MID1: variants seen among roughly 807,000 people sequenced by gnomAD.
MID1 encodes the protein midline 1.
A neutral mutation model predicts 40.4 loss-of-function variants in MID1; 7 were observed. The observed-to-expected ratio is 0.17, with a 90% CI of 0.10 to 0.33. MID1 has a LOEUF of 0.33. Among genes scored for constraint, MID1 ranks in the 10% least tolerant of loss-of-function variants. The pLI, the probability that MID1 is intolerant of heterozygous loss-of-function variation, is 1.00. For synonymous variants in MID1, 229 were observed against 221.2 expected (o/e 1.04, Z -0.31); for missense variants, 367 against 558.5 (o/e 0.66, Z 3.46).
At chrX:10,521,448 A>G (rs1487459094) in intron 3 of MID1, among the ~76,000 whole-genome samples, 3 of 111,658 alleles carry the variant, frequency 2.7e-5, no homozygotes, top group African/African-American at 9.8e-5. Context: ...AGGATACACA[A>G]GAAGCATTCT....
chrX:10,655,367 G>T (rs1205092813), intron 1 of MID1, among the ~76,000 whole-genome samples: 2 of 111,142 alleles, frequency 1.8e-5, no homozygotes, highest in East Asian at 5.7e-4. Context: ...TCTAAATTGG[G>T]CCTGACAGAA....
chrX:10,526,385 G>C (rs1932832763), intron 2 of MID1, among the ~76,000 whole-genome samples: 1 of 111,129 alleles, frequency 9.0e-6, no homozygotes, highest in African/African-American at 3.3e-5. Flanking sequence ...TATGGTCAGA[G>C]ACTAGAGGAT....
chrX:10,489,151 A>G (rs1287926318), intron 4 of MID1, among the ~76,000 whole-genome samples: 1 of 112,198 alleles, frequency 8.9e-6, no homozygotes, highest in Admixed American at 9.4e-5. Flanking sequence ...TTATTAAAAT[A>G]AATAATTTGT....
intron 1 of MID1, among the ~76,000 whole-genome samples, chrX:10,690,863 ACT>A (rs199816619): frequency 0.092 from 10,241 of 110,743 alleles, 758 homozygotes; most frequent in African/African-American, 0.25. Context: ...AATGGAAAGG[ACT>A]CTCTTTTATT....
chrX:10,533,308 CAAGAAAGAAAGAAAGAAAGGAAAGA>C (rs1569089452), intron 2 of MID1, among the ~76,000 whole-genome samples: 5 of 46,819 alleles, frequency 1.1e-4, no homozygotes, highest in Admixed American at 2.9e-4. Flanking sequence ...TTTAATAATC[CAAGAAAGAAAGAAAGAAAGGAAAGA>C]AAGAAAGAAA....
At chrX:10,502,699 C>T (rs758372941) in intron 3 of MID1, among the ~76,000 whole-genome samples, 1 of 111,944 alleles carries the variant, frequency 8.9e-6, no homozygotes, top group South Asian at 3.7e-4. Context: ...ACAAGTTTGC[C>T]TAGATTCGGC....
At chrX:10,607,160 A>G (rs1231192232) in intron 1 of MID1, among the ~76,000 whole-genome samples, 1 of 112,380 alleles carries the variant, frequency 8.9e-6, no homozygotes, top group Non-Finnish European at 1.9e-5. Context: ...TAGTTATCAG[A>G]AATGAACAGG....
At chrX:10,522,788 G>A (rs980548334) in intron 3 of MID1, among the ~76,000 whole-genome samples, 2 of 111,935 alleles carry the variant, frequency 1.8e-5, no homozygotes, top group African/African-American at 3.2e-5. Context: ...GAGCCACCAC[G>A]CCCGGCCTAC....
intron 1 of MID1, among the ~76,000 whole-genome samples, chrX:10,754,323 G>GTTT (rs59162348): frequency 7.5e-5 from 8 of 106,206 alleles, no homozygotes; most frequent in African/African-American, 2.9e-4. Context: ...TTTGTTTTTT[G>GTTT]TTTTTTTTGT....
chrX:10,704,739 T>TATACACACAC (rs1233692170), intron 1 of MID1, among the ~76,000 whole-genome samples: 1 of 82,207 alleles, frequency 1.2e-5, no homozygotes, highest in African/African-American at 5.3e-5. Context: ...TATATATATA[T>TATACACACAC]ACACACACAC....
At chrX:10,676,490 C>G (rs148381826) in intron 1 of MID1, among the ~76,000 whole-genome samples, 217 of 111,681 alleles carry the variant, frequency 1.9e-3, no homozygotes, top group African/African-American at 6.9e-3. Flanking sequence ...TTACCAGTTT[C>G]TCCTAGTGTG....
At chrX:10,727,934 G>A (rs1054471345) in intron 1 of MID1, among the ~76,000 whole-genome samples, 1 of 112,030 alleles carries the variant, frequency 8.9e-6, no homozygotes, top group African/African-American at 3.2e-5. Flanking sequence ...AAGAAAATAA[G>A]TGATCTGCCA....
chrX:10,525,438 A>T (rs1195799066), intron 2 of MID1, among the ~76,000 whole-genome samples: 2 of 112,037 alleles, frequency 1.8e-5, no homozygotes, highest in African/African-American at 6.5e-5. Context: ...TCTCAAAACA[A>T]CTAAACTTAC....
intron 4 of MID1, among the ~76,000 whole-genome samples, chrX:10,483,471 G>A (rs188203498): frequency 5.4e-5 from 6 of 111,977 alleles, no homozygotes; most frequent in Admixed American, 3.8e-4. Flanking sequence ...CCACTTGACC[G>A]TTCGCTCTTG....
At chrX:10,565,113 A>G (rs747807451) in intron 2 of MID1, 4 of 327,592 alleles carry the variant, frequency 1.2e-5, no homozygotes, top group Admixed American at 6.3e-5. Flanking sequence ...TGCCTTTGCT[A>G]TGATTAACTT....
At chrX:10,749,985 C>G (rs2043586939) in intron 1 of MID1, among the ~76,000 whole-genome samples, 1 of 111,568 alleles carries the variant, frequency 9.0e-6, no homozygotes, top group South Asian at 3.8e-4. Flanking sequence ...TTGCCAAAGA[C>G]TCTTCTGGAG....
chrX:10,469,899 AGAG>A lies in MID1; in HGVS notation c.1142-62_1142-60del, dbSNP rs899356705. ...GCACACACAACTGGGATACCATTTCAGAGGAGATGTTTGACAGTTAAGCAGGTC... is the reference window on the plus strand; with the variant it reads ...GCACACACAACTGGGATACCATTTCAGAGATGTTTGACAGTTAAGCAGGTC... On this transcript the variant is annotated intron_variant, in intron 6 of 9. Transcript: ENST00000317552. The A allele has an allele frequency of 2.2e-5, 25 of 1,113,198 alleles. No individual in the cohort carries two copies. In the African/African-American group the frequency reaches 4.5e-4, roughly 20 times the overall value. 91.7% of individuals were successfully genotyped at this position (1,113,198 alleles called of 1,213,427 possible). A position where few individuals can be genotyped will look rare whatever the true frequency, so the allele number is the denominator to read the frequency against.
chrX:10,489,796 C>T (rs1458498649), intron 4 of MID1, among the ~76,000 whole-genome samples: 1 of 108,104 alleles, frequency 9.3e-6, no homozygotes, highest in African/African-American at 3.4e-5. Flanking sequence ...CCCGGATTCA[C>T]GCCATTCTCC....
At chrX:10,508,393 C>T (rs750159261) in intron 3 of MID1, among the ~76,000 whole-genome samples, 3 of 112,150 alleles carry the variant, frequency 2.7e-5, no homozygotes, top group Non-Finnish European at 3.8e-5. Context: ...TTAAATATAT[C>T]GGGGTCAAAT....
Sources: allele counts gnomAD v4.1 joint callset (sites outside exome capture counted in the v4.1 genomes callset), GRCh38; gene constraint gnomAD v4.1.1; transcripts MANE v1.5; gene names NCBI Gene and HGNC (gene_info 2026-07-23, HGNC 2026-07-21).